The following ANKRD22 variants were observed in gnomAD, a reference collection of about 807,000 sequenced individuals.
ANKRD22 encodes ankyrin repeat domain-containing protein 22.
ANKRD22 carries 24 observed loss-of-function variants against 25.7 expected under a neutral mutation model. The ratio of observed to expected loss-of-function variants is 0.93; its 90% CI spans 0.68 to 1.31. The LOEUF (loss-of-function observed/expected upper bound fraction) is 1.31. ANKRD22 is among the 50% of genes most tolerant of loss of function. The pLI is 0.00. For synonymous variants in ANKRD22, 84 were observed against 84.3 expected, an observed-to-expected ratio of 1.00 and a Z score of 0.02; for missense variants, 214 against 227.1, an observed-to-expected ratio of 0.94 and a Z score of 0.37.
At chr10:88,848,639 C>T (rs1844075695) in intron 1 of ANKRD22, among the ~76,000 whole-genome samples, 2 of 152,134 alleles carry the variant, frequency 1.3e-5, no homozygotes, top group Non-Finnish European at 2.9e-5. Flanking sequence ...GAAACCAGAT[C>T]TCATTCAGCT....
chr10:88,825,009 TCTC>T (rs1843840093), intron 4 of ANKRD22, among the ~76,000 whole-genome samples: 1 of 132,848 alleles, frequency 7.5e-6, no homozygotes, highest in Admixed American at 7.6e-5. Flanking sequence ...TCTCTCTCTC[TCTC>T]ACACACACAC....
intron 1 of ANKRD22, among the ~76,000 whole-genome samples, chr10:88,849,309 G>A (rs1844082496): frequency 6.6e-6 from 1 of 152,086 alleles, no homozygotes; most frequent in Admixed American, 6.6e-5. Flanking sequence ...CATTGGACCT[G>A]GATTTAGTTT....
chr10:88,841,011 A>T (rs1375454526), intron 1 of ANKRD22, among the ~76,000 whole-genome samples: 1 of 152,154 alleles, frequency 6.6e-6, no homozygotes, highest in African/African-American at 2.4e-5. Context: ...ACGATAGCAG[A>T]AGGGGAAATA....
chr10:88,836,113 A>G (rs1441732), intron 1 of ANKRD22, among the ~76,000 whole-genome samples: 1 of 152,132 alleles, frequency 6.6e-6, no homozygotes, highest in African/African-American at 2.4e-5. Context: ...ATTGCACACA[A>G]TTCTTTCAAT....
intron 1 of ANKRD22, among the ~76,000 whole-genome samples, chr10:88,841,215 G>T (rs1844001236): frequency 6.6e-6 from 1 of 152,108 alleles, no homozygotes; most frequent in South Asian, 2.1e-4. Context: ...CGAGGAGTAA[G>T]GGTGGAGGAA....
intron 1 of ANKRD22, among the ~76,000 whole-genome samples, chr10:88,847,061 G>A (rs929674028): frequency 3.3e-5 from 5 of 152,046 alleles, no homozygotes; most frequent in Non-Finnish European, 7.4e-5. Flanking sequence ...CCTGTTTCAT[G>A]ATCAGCATAC....
chr10:88,831,529 A>G (rs1263291364), intron 2 of ANKRD22, among the ~76,000 whole-genome samples: 1 of 152,180 alleles, frequency 6.6e-6, no homozygotes, highest in Non-Finnish European at 1.5e-5. Flanking sequence ...GGGGAGAGGA[A>G]GAAAGAGGAG....
chr10:88,846,651 C>T (rs1331719251), intron 1 of ANKRD22, among the ~76,000 whole-genome samples: 4 of 152,166 alleles, frequency 2.6e-5, no homozygotes, highest in Non-Finnish European at 5.9e-5. Context: ...GAAATTTACT[C>T]TTTGAAAATA....
chr10:88,826,157 A>G, intron 3 of ANKRD22, 42 bp from the exon 4 acceptor site: 1 of 1,509,212 alleles, frequency 6.6e-7, no homozygotes, highest in Non-Finnish European at 9.2e-7. Flanking sequence ...ATTTACAAAT[A>G]GTTTCTCCAA....
At chr10:88,846,470 G>A (rs1160875196) in intron 1 of ANKRD22, among the ~76,000 whole-genome samples, 1 of 152,128 alleles carries the variant, frequency 6.6e-6, no homozygotes, top group African/African-American at 2.4e-5. Flanking sequence ...GAGAATTTTA[G>A]CTGAAGAATA....
chr10:88,848,731 C>G (rs560516350), intron 1 of ANKRD22, among the ~76,000 whole-genome samples: 46 of 152,266 alleles, frequency 3.0e-4, no homozygotes, highest in African/African-American at 1.1e-3. Flanking sequence ...CTGGCACAAT[C>G]AGGTCTAAAA....
rs1054068220 is a variant in ANKRD22 at position 88,820,490 on chromosome 10, G to A, written c.*2451C>T. 2.6e-6 allele frequency: 4 copies of A among 1,550,396 alleles called. No individual in the cohort carries two copies. The African/African-American group carries it at 5.5e-5, about 21-fold the overall frequency. The stretch of plus-strand genomic sequence containing the variant: ...CAACCTTTCCCAGGGACGGTGTGAG[G>A]CCGTATTGTGAAGCATCTGACACTG... On this transcript the variant is annotated 3_prime_UTR_variant, in exon 6 of 6. Coordinates refer to ENST00000371930, the MANE Select transcript of ANKRD22 (RefSeq NM_144590.3).
chr10:88,841,622 T>C (rs1166236622), intron 1 of ANKRD22, among the ~76,000 whole-genome samples: 2 of 152,134 alleles, frequency 1.3e-5, no homozygotes, highest in Admixed American at 6.6e-5. Flanking sequence ...GCTTGAAGAA[T>C]CTCTGGGCCA....
chr10:88,850,071 T>G (rs1367242141), intron 1 of ANKRD22, among the ~76,000 whole-genome samples: 3 of 151,744 alleles, frequency 2.0e-5, no homozygotes, highest in Non-Finnish European at 2.9e-5. Context: ...CAGGCTTTTT[T>G]CTTGTCCTTA....
chr10:88,825,176 A>G (rs1416730986), intron 4 of ANKRD22, among the ~76,000 whole-genome samples: 2 of 152,192 alleles, frequency 1.3e-5, no homozygotes, highest in Admixed American at 1.3e-4. Flanking sequence ...CACACGTAAA[A>G]TATGTTAGGC....
At chr10:88,824,059 T>C (rs1369408334) in intron 4 of ANKRD22, among the ~76,000 whole-genome samples, 4 of 152,242 alleles carry the variant, frequency 2.6e-5, no homozygotes, top group South Asian at 4.1e-4. Context: ...CATGGCCCTT[T>C]ACATAAACAT....
At position 88,821,483 on chromosome 10, in the gene ANKRD22, G is replaced by A. The variant is rs1354778261; in HGVS notation, c.*1458C>T. 1.3e-5 allele frequency among the ~76,000 whole-genome samples: 2 copies of A among 152,218 alleles called. No individual in the cohort carries two copies. Among genetic ancestry groups the A allele is most frequent in the Non-Finnish European group, 2.9e-5 (2 of 68,040 alleles). The stretch of plus-strand genomic sequence containing the variant: ...AATCAAAGGTTTGTGTGTGTCAAAA[G>A]TATATTGTTGAAGGTATACTGGTGT... On this transcript the variant is annotated 3_prime_UTR_variant, in exon 6 of 6. Coordinates refer to ENST00000371930, the MANE Select transcript of ANKRD22 (RefSeq NM_144590.3).
intron 2 of ANKRD22, among the ~76,000 whole-genome samples, chr10:88,830,252 G>T: frequency 6.6e-6 from 1 of 152,100 alleles, no homozygotes; most frequent in East Asian, 1.9e-4. Context: ...CTATCAAATT[G>T]TGTTCTAATA....
chr10:88,834,174 A>C (rs1000057088), intron 1 of ANKRD22, among the ~76,000 whole-genome samples: 1 of 152,236 alleles, frequency 6.6e-6, no homozygotes, highest in Non-Finnish European at 1.5e-5. Flanking sequence ...AGTCATTTGG[A>C]GTTCAAAAAT....
Sources: gnomAD v4.1 joint callset for allele counts (sites outside exome capture counted in the v4.1 genomes callset) on GRCh38, gnomAD v4.1.1 for gene constraint, MANE v1.5 for transcripts, NCBI Gene and HGNC (gene_info 2026-07-23, HGNC 2026-07-21) for gene names.